Variants in DNAH11 observed in about 807,000 individuals in gnomAD.
DNAH11 encodes dynein axonemal heavy chain 11.
In DNAH11, 442 loss-of-function variants were observed where a neutral mutation model predicts 526.0. The observed-to-expected ratio is 0.84, with a 90% CI of 0.78 to 0.91. The LOEUF (loss-of-function observed/expected upper bound fraction) is 0.91, where lower values mean the gene tolerates loss of function less well. Among genes scored for constraint, DNAH11 ranks in the 40% least tolerant of loss-of-function variants. The pLI, the probability that DNAH11 is intolerant of heterozygous loss-of-function variation, is 0.00. For synonymous variants in DNAH11, 2,461 were observed against 1,935.9 expected, an observed-to-expected ratio of 1.27 and a Z score of -7.12; for missense variants, 6,989 against 5,448.7, an observed-to-expected ratio of 1.28 and a Z score of -8.90.
At chr7:21,829,799 G>A (rs1583747008) in intron 65 of DNAH11, among the ~76,000 whole-genome samples, 3 of 152,108 alleles carry the variant, frequency 2.0e-5, no homozygotes, top group South Asian at 2.1e-4. Context: ...TGAAATTCTC[G>A]TCTTGGTTAT....
intron 68 of DNAH11, 49 bp from the exon 69 acceptor site, chr7:21,861,804 C>G (rs779016661): frequency 6.2e-7 from 1 of 1,602,058 alleles, no homozygotes; most frequent in Non-Finnish European, 8.5e-7. Flanking sequence ...GGTAGCTAGA[C>G]ATCCAGGCAC....
At chr7:21,797,428 A>G (rs1329471237) in intron 61 of DNAH11, among the ~76,000 whole-genome samples, 2 of 151,678 alleles carry the variant, frequency 1.3e-5, no homozygotes, top group Non-Finnish European at 2.9e-5. Context: ...TATGTTGGTC[A>G]GGCTGGTCTC....
At chr7:21,724,856 C>T (rs1174965438) in intron 44 of DNAH11, among the ~76,000 whole-genome samples, 3 of 121,218 alleles carry the variant, frequency 2.5e-5, no homozygotes, top group Non-Finnish European at 5.3e-5. Context: ...GTGACTGGAC[C>T]AGATCATCCT....
intron 25 of DNAH11, among the ~76,000 whole-genome samples, chr7:21,634,013 A>C (rs1009771923): frequency 6.6e-6 from 1 of 152,234 alleles, no homozygotes; most frequent in Admixed American, 6.5e-5. Context: ...ATGGTCTTGA[A>C]TTCTAAAATT....
chr7:21,703,209 G>A (rs1784134291), intron 37 of DNAH11, among the ~76,000 whole-genome samples: 1 of 152,190 alleles, frequency 6.6e-6, no homozygotes, highest in Admixed American at 6.5e-5. Context: ...TGGACATGCA[G>A]AATGAAACAG....
chr7:21,682,226 T>C (rs1344541293), intron 31 of DNAH11, among the ~76,000 whole-genome samples: 1 of 152,194 alleles, frequency 6.6e-6, no homozygotes, highest in African/African-American at 2.4e-5. Flanking sequence ...ACCTTTCTTT[T>C]ATATATCTTT....
At chr7:21,863,603 G>A (rs181657225) in intron 69 of DNAH11, among the ~76,000 whole-genome samples, 19 of 152,206 alleles carry the variant, frequency 1.2e-4, no homozygotes, top group African/African-American at 4.3e-4. Context: ...TGGGATTACA[G>A]GCATGAAATA....
At chr7:21,863,098 C>T (rs1336346738) in intron 69 of DNAH11, among the ~76,000 whole-genome samples, 8 of 150,054 alleles carry the variant, frequency 5.3e-5, no homozygotes, top group Non-Finnish European at 1.0e-4. Context: ...AAAGAAAAAG[C>T]GTTCGTGATA....
intron 35 of DNAH11, among the ~76,000 whole-genome samples, chr7:21,692,638 G>A (rs951647853): frequency 3.9e-5 from 6 of 152,126 alleles, no homozygotes; most frequent in Admixed American, 2.0e-4. Context: ...GAACATTCAC[G>A]TGCGATGTTT....
At chr7:21,694,723 G>T (rs1360640065) in intron 35 of DNAH11, among the ~76,000 whole-genome samples, 1 of 152,166 alleles carries the variant, frequency 6.6e-6, no homozygotes. Flanking sequence ...CCAGTAATGG[G>T]ATTGCTGGGT....
chr7:21,808,762 G>C (rs1789382868), intron 63 of DNAH11, among the ~76,000 whole-genome samples: 1 of 152,080 alleles, frequency 6.6e-6, no homozygotes, highest in Non-Finnish European at 1.5e-5. Context: ...TGTATATCAT[G>C]TTTTCTTTAT....
chr7:21,663,219 C>A (rs1335314320), intron 30 of DNAH11, among the ~76,000 whole-genome samples: 1 of 152,036 alleles, frequency 6.6e-6, no homozygotes, highest in Non-Finnish European at 1.5e-5. Context: ...TTTTTCCATT[C>A]ATCCGTCAGT....
At chr7:21,789,197 A>AT in intron 60 of DNAH11, 44 bp from the exon 61 acceptor site, 1 of 1,365,128 alleles carries the variant, frequency 7.3e-7, no homozygotes, top group Non-Finnish European at 1.0e-6. Flanking sequence ...GGATTGAATG[A>AT]TTACTTATCC....
intron 73 of DNAH11, among the ~76,000 whole-genome samples, chr7:21,870,438 T>G (rs1311862331): frequency 6.6e-6 from 1 of 152,180 alleles, no homozygotes; most frequent in Non-Finnish European, 1.5e-5. Context: ...GTAAGGGGAC[T>G]TGAGGGCAGT....
chr7:21,709,146 A>G (rs1179323222), intron 40 of DNAH11, among the ~76,000 whole-genome samples: 1 of 152,208 alleles, frequency 6.6e-6, no homozygotes, highest in African/African-American at 2.4e-5. Context: ...CTGCAGCACT[A>G]TTCACAATAG....
intron 61 of DNAH11, among the ~76,000 whole-genome samples, chr7:21,797,458 A>G (rs1788771209): frequency 6.6e-6 from 1 of 151,578 alleles, no homozygotes; most frequent in African/African-American, 2.4e-5. Flanking sequence ...ACCTCAGGTG[A>G]TCCGCTCGCC....
intron 52 of DNAH11, 110 bp from the exon 53 acceptor site, chr7:21,749,568 C>T (rs72657368): frequency 3.5e-6 from 5 of 1,426,238 alleles, no homozygotes; most frequent in Non-Finnish European, 4.7e-6. Context: ...GAAAGGCACC[C>T]CACAGTGCTA....
intron 14 of DNAH11, among the ~76,000 whole-genome samples, chr7:21,594,884 G>GGT (rs1191904645): frequency 6.6e-6 from 1 of 152,138 alleles, no homozygotes; most frequent in Non-Finnish European, 1.5e-5. Context: ...GTATGTGAAA[G>GGT]ACACTGCAGA....
intron 66 of DNAH11, among the ~76,000 whole-genome samples, chr7:21,850,747 G>C (rs1782602367): frequency 6.6e-6 from 1 of 151,702 alleles, no homozygotes; most frequent in Non-Finnish European, 1.5e-5. Flanking sequence ...TGTTTCCAGG[G>C]CTAGGAGTTA....
Sources: allele counts gnomAD v4.1 joint callset (sites outside exome capture counted in the v4.1 genomes callset), GRCh38; gene constraint gnomAD v4.1.1; transcripts MANE v1.5; gene names NCBI Gene and HGNC (gene_info 2026-07-23, HGNC 2026-07-21).